GABPA: variants seen among roughly 807,000 people sequenced by gnomAD.
GABPA encodes GA-binding protein alpha chain.
Under a neutral mutation model 59.4 loss-of-function variants are expected in GABPA, and 4 were observed. The ratio of observed to expected loss-of-function variants is 0.07; its 90% confidence interval spans 0.03 to 0.15. GABPA has a LOEUF of 0.15. Ranked by LOEUF, GABPA falls within the 10% of genes least tolerant of loss-of-function variation. GABPA has a pLI of 1.00. For missense variants in GABPA, 251 were observed against 543.8 expected, an observed-to-expected ratio of 0.46 and a Z score of 5.36; for synonymous variants, 164 against 183.1, an observed-to-expected ratio of 0.90 and a Z score of 0.84.
At chr21:25,761,791 A>G (rs2035771334) in intron 6 of GABPA, among the ~76,000 whole-genome samples, 1 of 152,226 alleles carries the variant, frequency 6.6e-6, no homozygotes, top group African/African-American at 2.4e-5. Context: ...GAAATTATTT[A>G]GTTTAATTGA....
chr21:25,755,251 C>T (rs1325193237), intron 5 of GABPA, among the ~76,000 whole-genome samples: 1 of 151,674 alleles, frequency 6.6e-6, no homozygotes, highest in African/African-American at 2.4e-5. Context: ...GAGTTTGAGA[C>T]CAGCCTGGGC....
At chr21:25,748,352 C>T (rs1234880571) in intron 3 of GABPA, among the ~76,000 whole-genome samples, 1 of 152,060 alleles carries the variant, frequency 6.6e-6, no homozygotes, top group Admixed American at 6.5e-5. Context: ...ATAAATTATG[C>T]AAGATGATTA....
chr21:25,756,525 T>G (rs2035641361), intron 5 of GABPA, among the ~76,000 whole-genome samples: 1 of 152,354 alleles, frequency 6.6e-6, no homozygotes, highest in Middle Eastern at 3.4e-3. Flanking sequence ...TAACACACAC[T>G]GCAGCTATTG....
intron 2 of GABPA, among the ~76,000 whole-genome samples, chr21:25,743,657 A>G (rs558621261): frequency 2.6e-5 from 4 of 152,200 alleles, no homozygotes; most frequent in African/African-American, 7.2e-5. Flanking sequence ...TGATAGCAAT[A>G]AAAACTTTTT....
chr21:25,748,423 TATC>T (rs563651339), intron 3 of GABPA, among the ~76,000 whole-genome samples: 88 of 152,338 alleles, frequency 5.8e-4, no homozygotes, highest in African/African-American at 2.0e-3. Context: ...ATTAATGTTT[TATC>T]ATCAATTTGC....
intron 5 of GABPA, among the ~76,000 whole-genome samples, chr21:25,757,500 A>G (rs1367987704): frequency 6.6e-6 from 1 of 152,170 alleles, no homozygotes; most frequent in Non-Finnish European, 1.5e-5. Flanking sequence ...TACCATGTTT[A>G]TTTATTTATT....
At chr21:25,739,433 T>C (rs945708003) in intron 1 of GABPA, among the ~76,000 whole-genome samples, 5 of 152,150 alleles carry the variant, frequency 3.3e-5, no homozygotes, top group Non-Finnish European at 5.9e-5. Context: ...GCCAGTGCTG[T>C]TTTTCTAGAG....
chr21:25,747,615 C>T (rs887610320), intron 3 of GABPA, among the ~76,000 whole-genome samples: 1 of 152,150 alleles, frequency 6.6e-6, no homozygotes, highest in African/African-American at 2.4e-5. Context: ...TGTGGGCTGA[C>T]TTGAAAGCTG....
intron 1 of GABPA, among the ~76,000 whole-genome samples, chr21:25,738,266 C>A (rs1003134361): frequency 1.3e-5 from 2 of 152,120 alleles, no homozygotes; most frequent in East Asian, 3.8e-4. Flanking sequence ...GTGGTAGTTT[C>A]TTGTTTTAAA....
rs2034992774 is a variant in GABPA, at chr21:25,735,220, C to T, written c.-385C>T. 3 of 586,052 alleles carry T rather than the reference C, an allele frequency of 5.1e-6. No individual in the cohort carries two copies. The East Asian group carries it at 8.5e-5, about 17-fold the overall frequency. The allele number at this position is 586,052 out of a possible 1,614,324, so 36.3% of individuals were successfully genotyped here. On this transcript the variant is annotated 5_prime_UTR_variant, in exon 1 of 10. Transcript: ENST00000400075. ...TAGTTCAAGCTCCCCTCCGAGTCAG[C>T]GTCCTGTTCGTTAGGGTTATCGAAG...
intron 9 of GABPA, 113 bp downstream of exon 9, chr21:25,764,900 A>T: frequency 4.2e-6 from 3 of 718,558 alleles, no homozygotes; most frequent in Non-Finnish European, 6.0e-6. Context: ...AAACTTGTTT[A>T]TGTTTTTTTC....
At chr21:25,758,326 T>G (rs753724819) in intron 6 of GABPA, 122 bp downstream of exon 6, 9 of 687,142 alleles carry the variant, frequency 1.3e-5, no homozygotes, top group Non-Finnish European at 2.2e-5. Context: ...TAATTAACAT[T>G]TATTTACTGT....
intron 5 of GABPA, among the ~76,000 whole-genome samples, chr21:25,754,867 C>T (rs1360666259): frequency 6.7e-6 from 1 of 148,296 alleles, no homozygotes; most frequent in Non-Finnish European, 1.5e-5. Flanking sequence ...GCCTGGCTAA[C>T]ATGGTAAAAC....
chr21:25,740,911 C>T (rs992667682), intron 1 of GABPA, among the ~76,000 whole-genome samples: 2 of 152,166 alleles, frequency 1.3e-5, no homozygotes, highest in Non-Finnish European at 2.9e-5. Flanking sequence ...GCTGAATAAA[C>T]ATAGTTCATC....
intron 9 of GABPA, among the ~76,000 whole-genome samples, chr21:25,766,952 TC>T (rs1312631092): frequency 6.6e-6 from 1 of 151,914 alleles, no homozygotes; most frequent in Non-Finnish European, 1.5e-5. Flanking sequence ...AAAACTAAGC[TC>T]CTGCTACAAA....
rs1601163074 is a variant in GABPA, at chr21:25,770,315, A to G, written c.*1083A>G. On this transcript the variant is annotated 3_prime_UTR_variant, in exon 10 of 10. Transcript: ENST00000400075. ...TTTTCCATATTATATATGTGTATTC[A>G]TATAGCTGTATACATATTCAGTTGA... 1 of 152,156 alleles carries G rather than the reference A, an allele frequency of 6.6e-6. No homozygotes were observed. The highest frequency in any genetic ancestry group is 2.1e-4 in the South Asian group (1 of 4,830). The allele number at this position is 152,156 out of a possible 1,614,324, so 9.4% of individuals were successfully genotyped here.
intron 1 of GABPA, among the ~76,000 whole-genome samples, chr21:25,737,903 A>G (rs887719587): frequency 2.0e-5 from 3 of 152,204 alleles, no homozygotes; most frequent in Admixed American, 6.5e-5. Flanking sequence ...CTTTTAACCA[A>G]TACTGAAATT....
At chr21:25,767,806 T>G (rs906654862) in intron 9 of GABPA, among the ~76,000 whole-genome samples, 5 of 152,090 alleles carry the variant, frequency 3.3e-5, no homozygotes, top group African/African-American at 4.8e-5. Context: ...GTTATATCTC[T>G]TACTGGGAAA....
chr21:25,763,044 A>G (rs1482544918), intron 7 of GABPA: 23 of 374,096 alleles, frequency 6.1e-5, no homozygotes, highest in Non-Finnish European at 3.6e-5. Context: ...ATTCATCTAT[A>G]TTGGGTACTG....
Sources: allele counts gnomAD v4.1 joint callset (sites outside exome capture counted in the v4.1 genomes callset), GRCh38; gene constraint gnomAD v4.1.1; transcripts MANE v1.5; gene names NCBI Gene and HGNC (gene_info 2026-07-23, HGNC 2026-07-21).